The following RDM1 variants were observed in gnomAD, a reference collection of about 807,000 sequenced individuals.
RDM1 encodes the protein RAD52 motif containing 1, also known as RAD52 motif-containing protein 1.
In RDM1, 28 loss-of-function variants were observed where a neutral mutation model predicts 27.7. That is an observed-to-expected ratio of 1.01 (90% CI 0.75 to 1.39). The LOEUF is 1.39. Ranked by LOEUF, RDM1 falls within the 40% of genes most tolerant of loss-of-function variation. The pLI, the probability that RDM1 is intolerant of heterozygous loss-of-function variation, is 0.00. For synonymous variants in RDM1, 124 were observed against 127.5 expected, an observed-to-expected ratio of 0.97 and a Z score of 0.19; for missense variants, 277 against 337.3, an observed-to-expected ratio of 0.82 and a Z score of 1.40.
chr17:35,927,150 A>G (rs1261208440), intron 2 of RDM1, among the ~76,000 whole-genome samples: 2 of 151,220 alleles, frequency 1.3e-5, no homozygotes, highest in East Asian at 3.9e-4. Context: ...AGAACCAAAA[A>G]ACCCTCTTGG....
Position 35,922,613 on chromosome 17 carries a change from A to T in RDM1, c.631T>A (p.Ser211Thr). The change falls in exon 5 of 7, where the codon TCA becomes ACA. Residue 211 changes from serine to threonine, a missense_variant. Transcript: ENST00000620284. ...AQKLAIQKAL[S>T]DAFQKLLIVV... Reference sequence around the variant, plus strand: ...ATCAACAGTTTCTGGAATGCATCTGACAAAGCCTTCTGAATAGCAAGCTTC... The same window carrying T: ...ATCAACAGTTTCTGGAATGCATCTGTCAAAGCCTTCTGAATAGCAAGCTTC... 6.2e-7 allele frequency: 1 copy of T among 1,611,852 alleles called. No homozygotes were observed. The highest frequency in any genetic ancestry group is 8.5e-7 in the Non-Finnish European group (1 of 1,179,814).
rs144542302 is a variant in RDM1, at chr17:35,924,657, C to A, written c.515G>T (p.Cys172Phe). 21 of 1,614,008 alleles carry A rather than the reference C, an allele frequency of 1.3e-5. No individual in the cohort carries two copies. The Admixed American group carries it at 3.5e-4, about 27-fold the overall frequency. The stretch of plus-strand genomic sequence containing the variant: ...CACCAAGCCAATGCCAGGACTCCTG[C>A]AATCACAGGATGGCAACACCACTTC... Reference protein sequence around the residue: ...ALEVVLPSCDCRSPGIGLVEE... With the variant: ...ALEVVLPSCDFRSPGIGLVEE... Residue 172 changes from cysteine to phenylalanine, a missense_variant, in exon 4 of 7, where the codon TGC becomes TTC. Coordinates refer to ENST00000620284, the MANE Select transcript of RDM1 (RefSeq NM_145654.4).
rs143240333 is a variant in RDM1, at chr17:35,925,579, G to T, written c.335C>A (p.Ser112Tyr). The change falls in exon 3 of 7, where the codon TCC becomes TAC. Residue 112 changes from serine (S) to tyrosine (Y), a missense_variant. Physicochemically the swap from Ser to Tyr is moderately radical, Grantham distance 144. Coordinates refer to ENST00000620284, the MANE Select transcript of RDM1 (RefSeq NM_145654.4). ...GTAATTCGCCAGTTCTTGGCATTTGGAACTGTTCAGGGCAAGGGCTTGATG... is the reference window on the plus strand; with the variant it reads ...GTAATTCGCCAGTTCTTGGCATTTGTAACTGTTCAGGGCAAGGGCTTGATG... ...VQHQALALNSSKCQELANYYF... is the reference protein window; with the variant it reads ...VQHQALALNSYKCQELANYYF... The T allele has an allele frequency of 6.2e-7, 1 of 1,614,128 alleles. No individual in the cohort carries two copies. Among genetic ancestry groups the T allele is most frequent in the Non-Finnish European group, 8.5e-7 (1 of 1,180,010 alleles).
rs558909835 is a variant in RDM1, at chr17:35,924,511, T to C, written c.568+93A>G. The C allele has an allele frequency of 7.4e-6, 10 of 1,350,436 alleles. No homozygotes were observed. The African/African-American group carries it at 1.3e-4, about 18-fold the overall frequency. The allele number at this position is 1,350,436 out of a possible 1,614,324, so 83.7% of individuals were successfully genotyped here. ...CTCAGAGAGGGAGGGGCTTGATATG[T>C]ATCTGAAAAGATGAGTTTTGGAAAG... On this transcript the variant is annotated intron_variant, in intron 4 of 6. Transcript: ENST00000620284.
At position 35,930,652 on chromosome 17, in the gene RDM1, G is replaced by T; in HGVS notation, c.76C>A (p.Pro26Thr). 1 of 1,613,562 alleles carries T rather than the reference G, an allele frequency of 6.2e-7. No homozygotes were observed. Among genetic ancestry groups the T allele is most frequent in the Non-Finnish European group, 8.5e-7 (1 of 1,179,932 alleles). The change falls in exon 1 of 7, where the codon CCC (proline) becomes ACC (threonine). Residue 26 changes from proline (P) to threonine (T), a missense_variant. Physicochemically the swap from Pro to Thr is conservative, Grantham distance 38. Transcript: ENST00000620284. Reference sequence around the variant, plus strand: ...CTCACATGCAAAGCCTCGGCCGTGGGTCCGGAGCTCAGCTCCCACACTAGC... The same window carrying T: ...CTCACATGCAAAGCCTCGGCCGTGGTTCCGGAGCTCAGCTCCCACACTAGC... ...TLLVWELSSG[P>T]TAEALHHSLF...
Position 35,925,637 on chromosome 17 carries a change from C to A in RDM1, c.277G>T (p.Val93Phe). 1.9e-6 allele frequency: 3 copies of A among 1,611,788 alleles called. No individual in the cohort carries two copies. In the East Asian group the frequency reaches 6.7e-5, roughly 36 times the overall value. ...KQLFQKSPVK[V>F]RLGTRHKAVQ... is the part of the protein sequence containing the mutation. Reference sequence around the variant, plus strand: ...GCCTTATGTCTGGTGCCAAGACGAACCTAAAATCATAGGAGATAGACCCAT... The same window carrying A: ...GCCTTATGTCTGGTGCCAAGACGAAACTAAAATCATAGGAGATAGACCCAT... Residue 93 changes from valine to phenylalanine, a missense_variant and splice_region_variant, in exon 3 of 7, where the codon GTT (valine) becomes TTT (phenylalanine). Coordinates refer to ENST00000620284, the MANE Select transcript of RDM1 (RefSeq NM_145654.4).
chr17:35,923,342 T>A lies in RDM1; in HGVS notation c.569-667A>T, dbSNP rs1234566850. ...TCCAGCCTGGGCGACAGAGTGAGAT[T>A]CTGTCTCAAAAAAAAAAAAAAAAAA... is the stretch of plus-strand genomic sequence containing the variant. On this transcript the variant is annotated intron_variant, in intron 4 of 6. Coordinates refer to ENST00000620284, the MANE Select transcript of RDM1 (RefSeq NM_145654.4). 3.2e-5 allele frequency among the ~76,000 whole-genome samples: 4 copies of A among 123,926 alleles called. No homozygotes were observed. In the East Asian group the frequency reaches 7.0e-4, roughly 22 times the overall value. The allele number at this position is 123,926 out of a possible 152,430, so 81.3% of individuals were successfully genotyped here.
chr17:35,918,263 G>A lies in RDM1; in HGVS notation c.*79C>T, dbSNP rs973732537. 8.1e-7 allele frequency: 1 copy of A among 1,228,992 alleles called. No individual in the cohort carries two copies. The highest frequency in any genetic ancestry group is 1.2e-6 in the Non-Finnish European group (1 of 841,130). The allele number at this position is 1,228,992 out of a possible 1,614,324, so 76.1% of individuals were successfully genotyped here. A position where few individuals can be genotyped will look rare whatever the true frequency, so the allele number is the denominator to read the frequency against. ...TTCCAGGACTCCAGCAGCCTATAGT[G>A]GTGGGGCGGCGTGGGGTAGGGGCAC... On this transcript the variant is annotated 3_prime_UTR_variant, in exon 7 of 7. Coordinates refer to ENST00000620284, the MANE Select transcript of RDM1 (RefSeq NM_145654.4).
rs567689809 is a variant in RDM1 at position 35,922,448 on chromosome 17, T to C, written c.667+129A>G. On this transcript the variant is annotated intron_variant, in intron 5 of 6. Coordinates refer to ENST00000620284, the MANE Select transcript of RDM1 (RefSeq NM_145654.4). ...CAAATTTGAGCCTGTTGGTGTGAAA[T>C]AATTTAGCAAATGAAAGCATACTAT... 96 of 1,154,326 alleles carry C rather than the reference T, an allele frequency of 8.3e-5. No homozygotes were observed. The African/African-American group carries it at 1.4e-3, about 17-fold the overall frequency. 71.5% of individuals were successfully genotyped at this position (1,154,326 alleles called of 1,614,324 possible).
intron 5 of RDM1, chr17:35,922,343 G>A (rs2088972618): frequency 8.0e-6 from 4 of 497,106 alleles, no homozygotes; most frequent in South Asian, 3.8e-5. Context: ...ATTTTCTGTG[G>A]GAACTGAGGC....
At chr17:35,922,781 T>G in intron 4 of RDM1, 106 bp from the exon 5 acceptor site, 1 of 909,878 alleles carries the variant, frequency 1.1e-6, no homozygotes, top group Non-Finnish European at 1.7e-6. Flanking sequence ...AAAACCTTCA[T>G]GACTAAGGGC....
rs1452333131 is a variant in RDM1, at chr17:35,930,119, T to C, written c.233A>G (p.Lys78Arg). The C allele has an allele frequency of 4.3e-6, 7 of 1,614,218 alleles. No individual in the cohort carries two copies. The highest frequency in any genetic ancestry group is 1.1e-5 in the South Asian group (1 of 91,080). Residue 78 changes from lysine (K) to arginine (R), a missense_variant, in exon 2 of 7, where the codon AAG (lysine) becomes AGG (arginine). Lys to Arg is a conservative substitution (Grantham distance 26). Transcript: ENST00000620284. ...YSARAAHRAQ[K>R]ACDRKQLFQK... ...AAAAAGCTGCTTCCGGTCGCATGCCTTTTGGGCTCTGTGGGCAGCCCTTGC... is the reference window on the plus strand; with the variant it reads ...AAAAAGCTGCTTCCGGTCGCATGCCCTTTGGGCTCTGTGGGCAGCCCTTGC...
At chr17:35,923,110 C>T (rs2089006149) in intron 4 of RDM1, among the ~76,000 whole-genome samples, 1 of 151,868 alleles carries the variant, frequency 6.6e-6, no homozygotes, top group Non-Finnish European at 1.5e-5. Flanking sequence ...GGCTCAAGAA[C>T]AGCCTGGTCA....
In RDM1 at chr17:35,924,791, T is replaced by C; in HGVS notation, c.400-19A>G. The stretch of plus-strand genomic sequence containing the variant: ...CCTGAAGCTGTAAGGATATTTAATG[T>C]AAGGTCCTTCCTGGGGTCTTAATGT... On this transcript the variant is annotated intron_variant, in intron 3 of 6. Transcript: ENST00000620284. 1 of 1,611,048 alleles carries C rather than the reference T, an allele frequency of 6.2e-7. No homozygotes were observed. The highest frequency in any genetic ancestry group is 8.5e-7 in the Non-Finnish European group (1 of 1,177,662).
chr17:35,927,947 T>A (rs1042681763), intron 2 of RDM1, among the ~76,000 whole-genome samples: 34 of 152,194 alleles, frequency 2.2e-4, no homozygotes, highest in African/African-American at 8.0e-4. Context: ...AGTTAAATAA[T>A]ATCTCACAGG....
chr17:35,926,110 G>A (rs1051345211), intron 2 of RDM1, among the ~76,000 whole-genome samples: 1 of 149,738 alleles, frequency 6.7e-6, no homozygotes, highest in African/African-American at 2.5e-5. Context: ...TCCACCCTAG[G>A]TGACAGAGTG....
Position 35,930,739 on chromosome 17 carries a change from C to A in RDM1, c.-12G>T. 1 of 1,611,832 alleles carries A rather than the reference C, an allele frequency of 6.2e-7. No individual in the cohort carries two copies. Among genetic ancestry groups the A allele is most frequent in the Non-Finnish European group, 8.5e-7 (1 of 1,179,024 alleles). ...ACCAACTCCGCCATCCTCCCTTCAC[C>A]GCACCTGCGCGGCTAACCCTCGCCC... is the stretch of plus-strand genomic sequence containing the variant. On this transcript the variant is annotated 5_prime_UTR_variant, in exon 1 of 7. Coordinates refer to ENST00000620284, the MANE Select transcript of RDM1 (RefSeq NM_145654.4).
rs1042242676 is a variant in RDM1, at chr17:35,930,189, C to A, written c.163G>T (p.Ala55Ser). ...GCATAGAAACCAGGATGGGCCACTGCAGCATTTGGGAAGACCCGGACTGAA... is the reference window on the plus strand; with the variant it reads ...GCATAGAAACCAGGATGGGCCACTGAAGCATTTGGGAAGACCCGGACTGAA... ...LYSVRVFPNAAVAHPGFYAVI... is the reference protein window; with the variant it reads ...LYSVRVFPNASVAHPGFYAVI... Residue 55 changes from alanine to serine, a missense_variant, in exon 2 of 7, where the codon GCA becomes TCA. Coordinates refer to ENST00000620284, the MANE Select transcript of RDM1 (RefSeq NM_145654.4). 8.1e-6 allele frequency: 13 copies of A among 1,614,174 alleles called. No individual in the cohort carries two copies. The highest frequency in any genetic ancestry group is 1.0e-5 in the Non-Finnish European group (12 of 1,180,050).
chr17:35,925,407 CCT>C (rs1568397579), intron 3 of RDM1, 106 bp downstream of exon 3: 1 of 1,182,404 alleles, frequency 8.5e-7, no homozygotes, highest in Non-Finnish European at 1.2e-6. Flanking sequence ...ATGGTAGAGG[CCT>C]CTCACATCTC....
Sources: allele counts gnomAD v4.1 joint callset (sites outside exome capture counted in the v4.1 genomes callset), GRCh38; gene constraint gnomAD v4.1.1; transcripts MANE v1.5; gene names NCBI Gene and HGNC (gene_info 2026-07-23, HGNC 2026-07-21).